Variants in GALNT17 observed in about 807,000 individuals in gnomAD.
GALNT17 encodes the protein UDP-GalNAc:polypeptide N-acetylgalactosaminyltransferase-like 3.
Under a neutral mutation model 63.7 loss-of-function variants are expected in GALNT17, and 29 were observed. That is an observed-to-expected ratio of 0.46 (90% CI 0.34 to 0.62). GALNT17 has a LOEUF of 0.62. Ranked by LOEUF, GALNT17 falls within the 20% of genes least tolerant of loss-of-function variation. The probability of loss-of-function intolerance (pLI) is 0.01; values close to 1 mark genes in which losing one functional copy is unlikely to be tolerated. For synonymous variants in GALNT17, 305 were observed against 318.3 expected, an observed-to-expected ratio of 0.96 and a Z score of 0.45; for missense variants, 603 against 799.6, an observed-to-expected ratio of 0.75 and a Z score of 2.97.
chr7:71,658,615 C>T (rs147352395), intron 6 of GALNT17, among the ~76,000 whole-genome samples: 112 of 152,254 alleles, frequency 7.4e-4, no homozygotes, highest in East Asian at 7.4e-3. Context: ...CGGCCAGGTG[C>T]GGTGGCTCAC....
intron 2 of GALNT17, among the ~76,000 whole-genome samples, chr7:71,354,694 TAAG>T (rs760692090): frequency 2.0e-5 from 3 of 152,316 alleles, no homozygotes; most frequent in South Asian, 4.1e-4. Flanking sequence ...CTGCTTTCCT[TAAG>T]AAGTTTAATT....
chr7:71,571,315 G>T lies in GALNT17; in HGVS notation c.993G>T (p.Val331=). 4.3e-6 allele frequency: 7 copies of T among 1,614,042 alleles called. No homozygotes were observed. Among genetic ancestry groups the T allele is most frequent in the Non-Finnish European group, 5.9e-6 (7 of 1,179,958 alleles). ...CAGCCATGATAGGCTGCTCGTTCGT[G>T]GTCAACAGGAAGTTCTTCGGTGAAA... The part of the protein sequence containing the change: ...RTPAMIGCSF[V]VNRKFFGEIG... The change falls in exon 6 of 11, where the codon GTG becomes GTT. Residue 331 remains valine (V), a synonymous_variant. Coordinates refer to ENST00000333538, the MANE Select transcript of GALNT17 (RefSeq NM_022479.3).
chr7:71,467,558 C>G (rs1787556028), intron 5 of GALNT17, among the ~76,000 whole-genome samples: 1 of 151,386 alleles, frequency 6.6e-6, no homozygotes, highest in Admixed American at 6.6e-5. Context: ...GAACATCTCA[C>G]TTTCTGTGAC....
chr7:71,522,713 A>G (rs1788551770), intron 5 of GALNT17, among the ~76,000 whole-genome samples: 1 of 152,160 alleles, frequency 6.6e-6, no homozygotes, highest in Non-Finnish European at 1.5e-5. Flanking sequence ...CCAGCGCTGC[A>G]ATGCAAGGCT....
At chr7:71,694,617 A>G (rs1222387788) in intron 9 of GALNT17, among the ~76,000 whole-genome samples, 1 of 152,182 alleles carries the variant, frequency 6.6e-6, no homozygotes, top group African/African-American at 2.4e-5. Context: ...GCTGGTCTCA[A>G]ACTTCTGACC....
At chr7:71,436,667 T>G (rs1330399177) in intron 5 of GALNT17, among the ~76,000 whole-genome samples, 1 of 149,300 alleles carries the variant, frequency 6.7e-6, no homozygotes, top group Non-Finnish European at 1.5e-5. Context: ...TGCAGTGAGC[T>G]GAGATCGCAC....
chr7:71,625,676 T>A (rs1345561139), intron 6 of GALNT17, among the ~76,000 whole-genome samples: 1 of 152,124 alleles, frequency 6.6e-6, no homozygotes, highest in South Asian at 2.1e-4. Context: ...ACTTCTCCTT[T>A]CGGGACCTCA....
intron 5 of GALNT17, among the ~76,000 whole-genome samples, chr7:71,561,129 CA>C (rs1489382164): frequency 1.3e-5 from 2 of 152,176 alleles, no homozygotes; most frequent in Non-Finnish European, 2.9e-5. Flanking sequence ...TCGCCTGACT[CA>C]GCCTCCCGAG....
chr7:71,450,700 A>G (rs907127886), intron 5 of GALNT17, among the ~76,000 whole-genome samples: 16 of 151,980 alleles, frequency 1.1e-4, no homozygotes, highest in African/African-American at 3.9e-4. Context: ...GCAACCACAA[A>G]TCTATTTTCT....
At chr7:71,366,379 G>A (rs750400823) in intron 2 of GALNT17, among the ~76,000 whole-genome samples, 2 of 152,026 alleles carry the variant, frequency 1.3e-5, no homozygotes, top group African/African-American at 4.8e-5. Flanking sequence ...TCAAGAGATC[G>A]AGACCATCCT....
chr7:71,286,399 A>G (rs1247520034), intron 1 of GALNT17, among the ~76,000 whole-genome samples: 2 of 152,218 alleles, frequency 1.3e-5, no homozygotes, highest in Non-Finnish European at 2.9e-5. Flanking sequence ...AATGATAATT[A>G]CATTTCCCTT....
At chr7:71,607,296 G>A (rs1190307835) in intron 6 of GALNT17, among the ~76,000 whole-genome samples, 1 of 152,148 alleles carries the variant, frequency 6.6e-6, no homozygotes, top group African/African-American at 2.4e-5. Context: ...AAAGAATTTT[G>A]TTTGAATTCT....
chr7:71,449,286 A>G (rs937694022), intron 5 of GALNT17, among the ~76,000 whole-genome samples: 3 of 150,886 alleles, frequency 2.0e-5, no homozygotes, highest in Non-Finnish European at 4.4e-5. Flanking sequence ...TAATTTTTGT[A>G]CTTTTAGTAG....
At chr7:71,688,831 T>C (rs1157683145) in intron 9 of GALNT17, among the ~76,000 whole-genome samples, 1 of 152,088 alleles carries the variant, frequency 6.6e-6, no homozygotes, top group Non-Finnish European at 1.5e-5. Flanking sequence ...CAGGCATACC[T>C]CATTTCATAG....
intron 3 of GALNT17, among the ~76,000 whole-genome samples, chr7:71,391,651 T>A (rs1296268480): frequency 6.6e-6 from 1 of 151,668 alleles, no homozygotes; most frequent in Non-Finnish European, 1.5e-5. Flanking sequence ...CCTAGCTAAT[T>A]TATATATATA....
Position 71,646,066 on chromosome 7 carries a change from A to G in GALNT17, c.1081-19345A>G, listed in dbSNP as rs550878915. Among the ~76,000 whole-genome samples the G allele has an allele frequency of 6.6e-5, 10 of 152,276 alleles. No individual in the cohort carries two copies. In the East Asian group the frequency reaches 1.5e-3, roughly 24 times the overall value. ...AAGGCCACCTCCCTCCCCAGGTTCC[A>G]TCAGTCCATGACTAGACTTGGCATT... On this transcript the variant is annotated intron_variant, in intron 6 of 10. Coordinates refer to ENST00000333538, the MANE Select transcript of GALNT17 (RefSeq NM_022479.3).
chr7:71,523,618 G>A (rs530577997), intron 5 of GALNT17, among the ~76,000 whole-genome samples: 33 of 151,514 alleles, frequency 2.2e-4, no homozygotes, highest in African/African-American at 8.0e-4. Flanking sequence ...AGTGGGGTGC[G>A]GTGGCCCCCA....
chr7:71,320,684 A>G (rs1791590142), intron 1 of GALNT17, among the ~76,000 whole-genome samples: 1 of 152,146 alleles, frequency 6.6e-6, no homozygotes, highest in Non-Finnish European at 1.5e-5. Context: ...CAGATGCTTT[A>G]TTGTTTCAGA....
intron 3 of GALNT17, among the ~76,000 whole-genome samples, chr7:71,412,331 G>C (rs1415652879): frequency 6.6e-6 from 1 of 151,426 alleles, no homozygotes; most frequent in Non-Finnish European, 1.5e-5. Flanking sequence ...CTTCTTCCCT[G>C]CATTTCCTGG....
Sources: allele counts gnomAD v4.1 joint callset (sites outside exome capture counted in the v4.1 genomes callset), GRCh38; gene constraint gnomAD v4.1.1; transcripts MANE v1.5; gene names NCBI Gene and HGNC (gene_info 2026-07-23, HGNC 2026-07-21).